Variants in ERC2 observed in about 807,000 individuals in gnomAD.
ERC2 encodes ERC protein 2.
ERC2 carries 42 observed loss-of-function variants against 114.8 expected under a neutral mutation model. The observed-to-expected ratio is 0.37, with a 90% CI of 0.29 to 0.47. The LOEUF is 0.47. ERC2 is among the 20% of genes least tolerant of loss of function. ERC2 has a pLI of 0.99. For synonymous variants in ERC2, 454 were observed against 425.5 expected (o/e 1.07, Z -0.82); for missense variants, 939 against 1,150.7 (o/e 0.82, Z 2.66).
chr3:56,343,059 A>C (rs1035502211), intron 2 of ERC2, among the ~76,000 whole-genome samples: 5 of 151,788 alleles, frequency 3.3e-5, no homozygotes, highest in African/African-American at 1.2e-4. Flanking sequence ...ACCCATACCA[A>C]CCTTTCCCAC....
At position 56,173,472 on chromosome 3, in the gene ERC2, C is replaced by T; in HGVS notation, c.1123G>A (p.Ala375Thr). 3 of 1,613,922 alleles carry T rather than the reference C, an allele frequency of 1.9e-6. No individual in the cohort carries two copies. Among genetic ancestry groups the T allele is most frequent in the Non-Finnish European group, 2.5e-6 (3 of 1,179,840 alleles). ...TTCATTTCGATGACAGTCTGGAGAG[C>T]CTTCGTCTTGGCTGGCTCCGGCTGA... ...QLQPEPAKTK[A>T]LQTVIEMKDT... Residue 375 changes from alanine (A) to threonine (T), a missense_variant, in exon 4 of 18, where the codon GCT becomes ACT. Ala to Thr is a moderately conservative substitution (Grantham distance 58). Coordinates refer to ENST00000288221, the MANE Select transcript of ERC2 (RefSeq NM_015576.3).
rs550448873 is a variant in ERC2 at position 55,869,737 on chromosome 3, G to A, written c.2564+18652C>T. ...AACTTCCTTATTAGAGTGTGAGCTCGACTAGGCAGGGACCATGTCACTAGG... is the reference window on the plus strand; with the variant it reads ...AACTTCCTTATTAGAGTGTGAGCTCAACTAGGCAGGGACCATGTCACTAGG... On this transcript the variant is annotated intron_variant, in intron 14 of 17. Coordinates refer to ENST00000288221, the MANE Select transcript of ERC2 (RefSeq NM_015576.3). 4.6e-5 allele frequency among the ~76,000 whole-genome samples: 7 copies of A among 152,162 alleles called. No individual in the cohort carries two copies. The East Asian group carries it at 1.2e-3, about 25-fold the overall frequency.
Position 56,410,017 on chromosome 3 carries a change from T to C in ERC2, c.657+24334A>G, listed in dbSNP as rs142119794. ...GTGGGCAGACCTGAGACTGCAAAAGTCTGTGCTGTTCCTATTTTCTTAAAA... is the reference window on the plus strand; with the variant it reads ...GTGGGCAGACCTGAGACTGCAAAAGCCTGTGCTGTTCCTATTTTCTTAAAA... On this transcript the variant is annotated intron_variant, in intron 2 of 17. Transcript: ENST00000288221. Among the ~76,000 whole-genome samples the C allele has an allele frequency of 1.7e-3, 255 of 152,320 alleles. 2 individuals are homozygous for C. Among genetic ancestry groups the C allele is most frequent in the African/African-American group, 5.5e-3 (227 of 41,566 alleles).
intron 2 of ERC2, among the ~76,000 whole-genome samples, chr3:56,383,744 C>T (rs60634037): frequency 0.34 from 51,389 of 151,922 alleles, 8,877 homozygotes; most frequent in African/African-American, 0.38. Flanking sequence ...TCAGTGGCAT[C>T]AAGTACATTC....
chr3:55,747,843 G>C (rs2066408022), intron 14 of ERC2, among the ~76,000 whole-genome samples: 1 of 152,214 alleles, frequency 6.6e-6, no homozygotes, highest in Admixed American at 6.5e-5. Context: ...GCACTGCTAA[G>C]CAACGGTTCA....
intron 13 of ERC2, among the ~76,000 whole-genome samples, chr3:55,912,481 A>T (rs1241810463): frequency 6.6e-6 from 1 of 152,170 alleles, no homozygotes; most frequent in Non-Finnish European, 1.5e-5. Flanking sequence ...TTATTACCCT[A>T]CTGTATGTAT....
At chr3:56,461,695 C>T (rs1008509133) in intron 1 of ERC2, among the ~76,000 whole-genome samples, 1 of 152,120 alleles carries the variant, frequency 6.6e-6, no homozygotes, top group African/African-American at 2.4e-5. Flanking sequence ...TAATCATGAA[C>T]CAGGAAGGGT....
intron 4 of ERC2, among the ~76,000 whole-genome samples, chr3:56,166,371 T>C (rs943881261): frequency 6.6e-6 from 1 of 152,090 alleles, no homozygotes; most frequent in Non-Finnish European, 1.5e-5. Flanking sequence ...ATCAAACATA[T>C]GCTGGCCTCA....
chr3:56,358,211 C>A (rs1553931243), intron 2 of ERC2, among the ~76,000 whole-genome samples: 1 of 152,130 alleles, frequency 6.6e-6, no homozygotes, highest in Non-Finnish European at 1.5e-5. Flanking sequence ...ATGACTATGG[C>A]ATAGGTTTCT....
chr3:55,599,030 A>G (rs1486944712), intron 17 of ERC2, among the ~76,000 whole-genome samples: 1 of 152,252 alleles, frequency 6.6e-6, no homozygotes, highest in African/African-American at 2.4e-5. Context: ...CAAATTTATC[A>G]TGGAAGACAG....
chr3:55,820,693 C>A (rs148479681), intron 14 of ERC2, among the ~76,000 whole-genome samples: 2 of 152,248 alleles, frequency 1.3e-5, no homozygotes, highest in East Asian at 1.9e-4. Context: ...GATCTCCAAG[C>A]CGGGCAGGGC....
intron 14 of ERC2, among the ~76,000 whole-genome samples, chr3:55,759,622 T>G (rs2067299095): frequency 1.3e-5 from 2 of 152,164 alleles, no homozygotes; most frequent in Admixed American, 1.3e-4. Flanking sequence ...GAAGATTGTT[T>G]TTTTCTTCCC....
At chr3:56,010,115 G>A (rs974289037) in intron 9 of ERC2, among the ~76,000 whole-genome samples, 16 of 152,074 alleles carry the variant, frequency 1.1e-4, no homozygotes, top group Admixed American at 1.0e-3. Context: ...TATCATCATC[G>A]CTGCTGTTGT....
At chr3:56,399,265 A>G (rs145581139) in intron 2 of ERC2, among the ~76,000 whole-genome samples, 258 of 152,340 alleles carry the variant, frequency 1.7e-3, no homozygotes, top group African/African-American at 6.0e-3. Flanking sequence ...ATTCAAAATA[A>G]CATTAGCCTT....
At chr3:55,516,840 C>G (rs2052547219) in intron 17 of ERC2, among the ~76,000 whole-genome samples, 1 of 152,206 alleles carries the variant, frequency 6.6e-6, no homozygotes, top group Admixed American at 6.5e-5. Flanking sequence ...CCACCACCCT[C>G]TGTGTTTTGC....
chr3:55,956,033 A>G (rs1057403102), intron 12 of ERC2, among the ~76,000 whole-genome samples: 7 of 152,224 alleles, frequency 4.6e-5, no homozygotes, highest in African/African-American at 1.7e-4. Flanking sequence ...AATGTTTAGA[A>G]CAGACCGCAG....
intron 2 of ERC2, among the ~76,000 whole-genome samples, chr3:56,420,225 C>G (rs1339076144): frequency 1.6e-5 from 2 of 121,402 alleles, no homozygotes; most frequent in Non-Finnish European, 3.2e-5. Context: ...TACTCTGTCA[C>G]TCAGGCTGGA....
intron 17 of ERC2, among the ~76,000 whole-genome samples, chr3:55,543,756 G>A (rs199796595): frequency 2.0e-5 from 3 of 152,180 alleles, no homozygotes; most frequent in East Asian, 1.9e-4. Flanking sequence ...TTCCTGCTGC[G>A]CTGTCTCTGT....
intron 17 of ERC2, among the ~76,000 whole-genome samples, chr3:55,630,208 C>T (rs538205510): frequency 1.8e-4 from 28 of 152,282 alleles, no homozygotes; most frequent in African/African-American, 6.5e-4. Flanking sequence ...TCGCTCTTGT[C>T]GCCCAGACTG....
Sources: allele counts gnomAD v4.1 joint callset (sites outside exome capture counted in the v4.1 genomes callset), GRCh38; gene constraint gnomAD v4.1.1; transcripts MANE v1.5; gene names NCBI Gene and HGNC (gene_info 2026-07-23, HGNC 2026-07-21).